Variants in DCAF6 observed in about 807,000 individuals in gnomAD.
The protein encoded by DCAF6 is DDB1- and CUL4-associated factor 6.
In DCAF6, 54 loss-of-function variants were observed where a neutral mutation model predicts 125.1. That is an observed-to-expected ratio of 0.43 (90% CI 0.35 to 0.54). The LOEUF (loss-of-function observed/expected upper bound fraction) is 0.54. Ranked by LOEUF, DCAF6 falls within the 20% of genes least tolerant of loss-of-function variation. DCAF6 has a pLI of 0.01. For missense variants in DCAF6, 934 were observed against 1,161.7 expected (o/e 0.80, Z 2.85); for synonymous variants, 371 against 390.4 (o/e 0.95, Z 0.58).
At chr1:167,967,235 G>A (rs1389065161) in intron 3 of DCAF6, among the ~76,000 whole-genome samples, 2 of 152,018 alleles carry the variant, frequency 1.3e-5, no homozygotes, top group Admixed American at 1.3e-4. Context: ...AAATGACTGC[G>A]GTGTGAATAG....
Position 167,941,948 on chromosome 1 carries a change from G to T in DCAF6, c.97+4940G>T, listed in dbSNP as rs112239909. On this transcript the variant is annotated intron_variant, in intron 1 of 21. Coordinates refer to ENST00000367840, the MANE Select transcript of DCAF6 (RefSeq NM_001198956.2). Reference sequence around the variant, plus strand: ...ATTCTACCATACTGCATTCCCACCAGCAGTATATGAGAGTTCCAATTGCTC... The same window carrying T: ...ATTCTACCATACTGCATTCCCACCATCAGTATATGAGAGTTCCAATTGCTC... Among the ~76,000 whole-genome samples the T allele has an allele frequency of 2.9e-3, 446 of 152,318 alleles. 1 individual carries two copies. The highest frequency in any genetic ancestry group is 0.01 in the African/African-American group (424 of 41,564).
At chr1:167,941,694 G>A (rs1290799681) in intron 1 of DCAF6, among the ~76,000 whole-genome samples, 2 of 152,044 alleles carry the variant, frequency 1.3e-5, no homozygotes, top group African/African-American at 4.8e-5. Context: ...GTTGCTTCAG[G>A]TTTAAGGTGG....
chr1:167,965,823 C>T (rs750149895), intron 2 of DCAF6, among the ~76,000 whole-genome samples: 2 of 152,094 alleles, frequency 1.3e-5, no homozygotes, highest in Non-Finnish European at 2.9e-5. Flanking sequence ...TTAGTAGAGA[C>T]GGGGTTTCGC....
intron 10 of DCAF6, among the ~76,000 whole-genome samples, chr1:168,006,007 G>A (rs1326882309): frequency 6.6e-6 from 1 of 152,052 alleles, no homozygotes; most frequent in East Asian, 1.9e-4. Flanking sequence ...AGGTAAAATT[G>A]GGAAAAGCAA....
chr1:167,960,537 C>T (rs1465839635), intron 2 of DCAF6, among the ~76,000 whole-genome samples: 1 of 151,970 alleles, frequency 6.6e-6, no homozygotes, highest in Non-Finnish European at 1.5e-5. Context: ...CTCCTGACCT[C>T]GTGATCTTCC....
At chr1:167,969,426 A>G (rs1676961094) in intron 3 of DCAF6, among the ~76,000 whole-genome samples, 1 of 152,202 alleles carries the variant, frequency 6.6e-6, no homozygotes, top group Non-Finnish European at 1.5e-5. Context: ...GGTTAGGATT[A>G]TGTTCTGATT....
intron 4 of DCAF6, among the ~76,000 whole-genome samples, chr1:167,985,262 A>G (rs1295378283): frequency 6.6e-6 from 1 of 152,030 alleles, no homozygotes; most frequent in Admixed American, 6.6e-5. Context: ...CGTGGCTTAA[A>G]GTAACAAATT....
At chr1:167,896,018 T>C in the DCAF6 span, among the ~76,000 whole-genome samples, 3 of 152,148 alleles carry the variant, frequency 2.0e-5, no homozygotes, top group Non-Finnish European at 4.4e-5. Flanking sequence ...GAAAAGAGCA[T>C]AAGCTATGGT....
chr1:167,903,327 G>T, the DCAF6 span, among the ~76,000 whole-genome samples: 2 of 151,764 alleles, frequency 1.3e-5, no homozygotes, highest in Non-Finnish European at 2.9e-5. Context: ...ACTTTGGGGG[G>T]CTGAGGCAGG....
At chr1:167,924,734 G>A in the DCAF6 span, among the ~76,000 whole-genome samples, 686 of 152,166 alleles carry the variant, frequency 4.5e-3, 8 homozygotes, top group East Asian at 0.056. Context: ...GTTGACCCTT[G>A]AATAACACAG....
At chr1:167,910,600 T>C in the DCAF6 span, among the ~76,000 whole-genome samples, 9 of 152,298 alleles carry the variant, frequency 5.9e-5, no homozygotes, top group Middle Eastern at 3.4e-3. Context: ...TTAAAGTTCA[T>C]GGGAAGTATG....
intron 7 of DCAF6, among the ~76,000 whole-genome samples, chr1:167,996,711 T>C (rs1557950548): frequency 1.3e-5 from 2 of 152,228 alleles, no homozygotes. Context: ...TCTACTGTTT[T>C]CTTCTTTACT....
intron 10 of DCAF6, among the ~76,000 whole-genome samples, chr1:168,010,972 T>C (rs1684196092): frequency 6.6e-6 from 1 of 152,128 alleles, no homozygotes; most frequent in Non-Finnish European, 1.5e-5. Context: ...GAATATGATT[T>C]AGAGAAGCTG....
chr1:168,060,663 G>A lies in DCAF6; in HGVS notation c.2301-2958G>A, dbSNP rs954418226. On this transcript the variant is annotated intron_variant, in intron 17 of 21. Coordinates refer to ENST00000367840, the MANE Select transcript of DCAF6 (RefSeq NM_001198956.2). ...TCCCAGCACTTTGGGAAGCTGAGGT[G>A]GGTGGATCACTTGAGGTCAGGAGTC... Among the ~76,000 whole-genome samples, 3 of 152,234 alleles carry A rather than the reference G, an allele frequency of 2.0e-5. No homozygotes were observed. In the South Asian group the frequency reaches 6.2e-4, roughly 32 times the overall value.
intron 1 of DCAF6, among the ~76,000 whole-genome samples, chr1:167,943,917 C>T (rs1482438982): frequency 6.6e-6 from 1 of 151,704 alleles, no homozygotes; most frequent in Non-Finnish European, 1.5e-5. Flanking sequence ...CGGCTTACTG[C>T]AAGTTCCGCC....
At chr1:167,905,058 T>C in the DCAF6 span, 3 of 1,614,188 alleles carry the variant, frequency 1.9e-6, no homozygotes, top group Non-Finnish European at 2.5e-6. Context: ...TGGGGAGAAA[T>C]GTCCATAGAC....
chr1:167,948,121 G>A (rs1157406542), intron 1 of DCAF6, among the ~76,000 whole-genome samples: 1 of 147,566 alleles, frequency 6.8e-6, no homozygotes, highest in Non-Finnish European at 1.5e-5. Flanking sequence ...ATTATATAAC[G>A]ACTTTCTTAG....
the DCAF6 span, among the ~76,000 whole-genome samples, chr1:167,874,836 A>AC: frequency 6.6e-6 from 1 of 152,240 alleles, no homozygotes; most frequent in East Asian, 1.9e-4. Flanking sequence ...TATATAACAT[A>AC]CCATTGAGTA....
At chr1:167,899,707 T>C in the DCAF6 span, 2 of 1,370,640 alleles carry the variant, frequency 1.5e-6, no homozygotes, top group East Asian at 2.4e-5. Context: ...GGAAAAACCA[T>C]AATCTTGGTG....
Sources: gnomAD v4.1 joint callset for allele counts (sites outside exome capture counted in the v4.1 genomes callset) on GRCh38, gnomAD v4.1.1 for gene constraint, MANE v1.5 for transcripts, NCBI Gene and HGNC (gene_info 2026-07-23, HGNC 2026-07-21) for gene names.